Variants in DENND2B observed in about 807,000 individuals in gnomAD.
DENND2B encodes the protein DENN domain containing 2B.
Under a neutral mutation model 116.0 loss-of-function variants are expected in DENND2B, and 32 were observed. The ratio of observed to expected loss-of-function variants is 0.28; its 90% confidence interval spans 0.21 to 0.37. The LOEUF (loss-of-function observed/expected upper bound fraction) is 0.37. Ranked by LOEUF, DENND2B falls within the 10% of genes least tolerant of loss-of-function variation. DENND2B has a pLI of 1.00. For synonymous variants in DENND2B, 588 were observed against 583.9 expected, an observed-to-expected ratio of 1.01 and a Z score of -0.10; for missense variants, 1,276 against 1,477.7, an observed-to-expected ratio of 0.86 and a Z score of 2.24.
intron 2 of DENND2B, 135 bp from the exon 3 acceptor site, chr11:8,731,344 G>T: frequency 1.2e-6 from 1 of 858,252 alleles, no homozygotes; most frequent in Non-Finnish European, 1.7e-6. Flanking sequence ...TTCTATTCAA[G>T]TAATATACCT....
At chr11:8,733,377 C>A (rs1212537673) in intron 2 of DENND2B, among the ~76,000 whole-genome samples, 3 of 152,214 alleles carry the variant, frequency 2.0e-5, no homozygotes, top group African/African-American at 7.2e-5. Flanking sequence ...ACTGAAGATG[C>A]ATTTGACAGA....
chr11:8,738,410 C>T (rs1343475043), intron 2 of DENND2B, among the ~76,000 whole-genome samples: 1 of 152,204 alleles, frequency 6.6e-6, no homozygotes, highest in Non-Finnish European at 1.5e-5. Flanking sequence ...CGTCCCAGCG[C>T]TTGGACTTCT....
At chr11:8,719,417 T>C (rs2045736195) in intron 4 of DENND2B, among the ~76,000 whole-genome samples, 1 of 152,214 alleles carries the variant, frequency 6.6e-6, no homozygotes, top group Admixed American at 6.5e-5. Context: ...GAGTCAAAGA[T>C]GGGTCACTGG....
chr11:8,841,215 G>A (rs1430427914), intron 3 of DENND2B, among the ~76,000 whole-genome samples: 3 of 151,986 alleles, frequency 2.0e-5, no homozygotes, highest in East Asian at 3.8e-4. Flanking sequence ...ATTTGCAAAT[G>A]TCTCTTCTTA....
chr11:8,797,454 CCTCCTTCTTCCCCTTTCTT>C (rs1461800191), intron 1 of DENND2B, among the ~76,000 whole-genome samples: 7 of 116,692 alleles, frequency 6.0e-5, no homozygotes, highest in Admixed American at 1.1e-4. Context: ...CCCCCTTCTT[CCTCCTTCTTCCCCTTTCTT>C]CCCCTTCTTC....
chr11:8,874,170 T>C (rs2063819920), upstream of DENND2B, among the ~76,000 whole-genome samples: 1 of 152,214 alleles, frequency 6.6e-6, no homozygotes, highest in Admixed American at 6.5e-5. Context: ...CCGCAAGCCA[T>C]TTCCTCTGTA....
chr11:8,806,756 A>C (rs1320879831), intron 1 of DENND2B, among the ~76,000 whole-genome samples: 1 of 151,586 alleles, frequency 6.6e-6, no homozygotes, highest in Non-Finnish European at 1.5e-5. Flanking sequence ...CCTCCGACCC[A>C]CCTACTGAGA....
At chr11:8,860,677 A>AT (rs1430667914) in intron 2 of DENND2B, among the ~76,000 whole-genome samples, 1 of 152,180 alleles carries the variant, frequency 6.6e-6, no homozygotes, top group Non-Finnish European at 1.5e-5. Flanking sequence ...ATTTTCGAAA[A>AT]TATTAGAAAA....
chr11:8,861,646 T>G (rs555344580), intron 2 of DENND2B, among the ~76,000 whole-genome samples: 1 of 152,128 alleles, frequency 6.6e-6, no homozygotes, highest in Non-Finnish European at 1.5e-5. Context: ...TAACTAAAAA[T>G]AGATCTACCA....
chr11:8,902,024 C>A (rs2064176643), intron 1 of DENND2B, among the ~76,000 whole-genome samples: 1 of 151,952 alleles, frequency 6.6e-6, no homozygotes, highest in Non-Finnish European at 1.5e-5. Context: ...TTTGTTCTAT[C>A]AGTTATTAAG....
chr11:8,865,739 T>C (rs2063550772), intron 2 of DENND2B, among the ~76,000 whole-genome samples: 1 of 63,170 alleles, frequency 1.6e-5, no homozygotes. Context: ...CCCAGGGAAA[T>C]TGTGAGATCT....
intron 4 of DENND2B, among the ~76,000 whole-genome samples, chr11:8,828,930 GGGA>G (rs1320308488): frequency 6.6e-6 from 1 of 151,956 alleles, no homozygotes; most frequent in Non-Finnish European, 1.5e-5. Flanking sequence ...AGGCAGGGAA[GGGA>G]GGAGAAAGTG....
intron 4 of DENND2B, among the ~76,000 whole-genome samples, chr11:8,720,747 A>G (rs544342675): frequency 6.6e-6 from 1 of 152,262 alleles, no homozygotes; most frequent in Admixed American, 6.5e-5. Flanking sequence ...GGACCAGGGG[A>G]TGGAGATGTA....
At chr11:8,753,363 G>A (rs2052914923) in intron 1 of DENND2B, among the ~76,000 whole-genome samples, 1 of 151,910 alleles carries the variant, frequency 6.6e-6, no homozygotes, top group African/African-American at 2.4e-5. Context: ...TAAATAAAAG[G>A]AATGCAAGAC....
At chr11:8,725,064 G>C (rs1453223968) in intron 4 of DENND2B, among the ~76,000 whole-genome samples, 2 of 152,218 alleles carry the variant, frequency 1.3e-5, no homozygotes, top group African/African-American at 4.8e-5. Context: ...TTGCGACCCA[G>C]GGGTCTCGTG....
intron 2 of DENND2B, among the ~76,000 whole-genome samples, chr11:8,877,890 G>A (rs374289210): frequency 2.6e-5 from 4 of 152,178 alleles, no homozygotes; most frequent in South Asian, 2.1e-4. Context: ...AATAAGTTGT[G>A]TAAGCAAATT....
chr11:8,890,829 C>T (rs191873584), intron 1 of DENND2B, among the ~76,000 whole-genome samples: 37 of 152,242 alleles, frequency 2.4e-4, no homozygotes, highest in African/African-American at 7.9e-4. Context: ...AGGATATTAT[C>T]CAGGAGAACT....
rs183582098 is a variant in DENND2B at position 8,759,893 on chromosome 11, A to T, written c.-25-9168T>A. 7.4e-3 allele frequency among the ~76,000 whole-genome samples: 1,126 copies of T among 152,308 alleles called. 10 individuals are homozygous for T. The highest frequency in any genetic ancestry group is 0.013 in the Non-Finnish European group (895 of 68,028). On this transcript the variant is annotated intron_variant, in intron 1 of 19. Transcript: ENST00000313726. ...CTCAGCAACCAATACTGGCCCTCAG[A>T]TTCTAAGGAGCTTAACAAATGCAAC...
chr11:8,829,272 G>A (rs939360677), intron 4 of DENND2B, among the ~76,000 whole-genome samples: 2 of 152,102 alleles, frequency 1.3e-5, no homozygotes, highest in Non-Finnish European at 2.9e-5. Flanking sequence ...CATCAGAGCC[G>A]TCACTGCAAT....
Sources: gnomAD v4.1 joint callset for allele counts (sites outside exome capture counted in the v4.1 genomes callset) on GRCh38, gnomAD v4.1.1 for gene constraint, MANE v1.5 for transcripts, NCBI Gene and HGNC (gene_info 2026-07-23, HGNC 2026-07-21) for gene names.